LHPP: variants seen among roughly 807,000 people sequenced by gnomAD.
The protein encoded by LHPP is phospholysine phosphohistidine inorganic pyrophosphate phosphatase.
A neutral mutation model predicts 30.3 loss-of-function variants in LHPP; 24 were observed. The ratio of observed to expected loss-of-function variants is 0.79; its 90% CI spans 0.57 to 1.11. The LOEUF is 1.11. Ranked by LOEUF, LHPP falls within the 50% of genes most tolerant of loss-of-function variation. The pLI is 0.00. For missense variants in LHPP, 356 were observed against 367.2 expected, an observed-to-expected ratio of 0.97 and a Z score of 0.25; for synonymous variants, 150 against 157.1, an observed-to-expected ratio of 0.95 and a Z score of 0.34.
At position 124,613,627 on chromosome 10, in the gene LHPP, C is replaced by T. The variant is rs1949232406; in HGVS notation, c.*267C>T. The T allele has an allele frequency of 1.8e-6, 1 of 544,898 alleles. No individual in the cohort carries two copies. Among genetic ancestry groups the T allele is most frequent in the Admixed American group, 3.1e-5 (1 of 31,968 alleles). The allele number at this position is 544,898 out of a possible 1,614,324, so 33.8% of individuals were successfully genotyped here. On this transcript the variant is annotated 3_prime_UTR_variant, in exon 7 of 7. Coordinates refer to ENST00000368842, the MANE Select transcript of LHPP (RefSeq NM_022126.4). Reference sequence around the variant, plus strand: ...TCCCCTGCCTGGGCCCTGACTTCAGCTCCCTGTAGTGAAGTCCAGGAGGGT... The same window carrying T: ...TCCCCTGCCTGGGCCCTGACTTCAGTTCCCTGTAGTGAAGTCCAGGAGGGT...
chr10:124,518,168 C>T (rs916847532), intron 6 of LHPP, among the ~76,000 whole-genome samples: 2 of 152,222 alleles, frequency 1.3e-5, no homozygotes, highest in East Asian at 3.9e-4. Context: ...GCTCAGCGCA[C>T]CTGGGTCCAG....
chr10:124,497,067 G>A, intron 4 of LHPP, 43 bp downstream of exon 4: 2 of 1,528,320 alleles, frequency 1.3e-6, no homozygotes, highest in Non-Finnish European at 1.8e-6. Flanking sequence ...CAGACCTCAG[G>A]GCACCTGGGA....
At chr10:124,505,094 T>TA (rs1954026814) in intron 5 of LHPP, among the ~76,000 whole-genome samples, 1 of 152,162 alleles carries the variant, frequency 6.6e-6, no homozygotes, top group Non-Finnish European at 1.5e-5. Flanking sequence ...CCTACCCTCA[T>TA]ATGACATTTC....
intron 6 of LHPP, among the ~76,000 whole-genome samples, chr10:124,545,770 A>G (rs1022547490): frequency 2.0e-5 from 3 of 152,230 alleles, no homozygotes. Flanking sequence ...CCCAAAATCA[A>G]TACAAACAAA....
intron 1 of LHPP, among the ~76,000 whole-genome samples, chr10:124,466,540 T>A (rs762288260): frequency 6.6e-6 from 1 of 152,134 alleles, no homozygotes; most frequent in Non-Finnish European, 1.5e-5. Flanking sequence ...TACTGTAACC[T>A]CTGCCTCCTG....
rs55633265 is a variant in LHPP, at chr10:124,588,298, C to CTT, written c.717-24956_717-24955dup. On this transcript the variant is annotated intron_variant, in intron 6 of 6. Transcript: ENST00000368842. ...ACTTATGCTTTTACTTTTTTCTCTTCTTTTTTTTTTTAAGACTGAGTCTTG... is the reference window on the plus strand; with the variant it reads ...ACTTATGCTTTTACTTTTTTCTCTTCTTTTTTTTTTTTTAAGACTGAGTCTTG... 8.9e-3 allele frequency among the ~76,000 whole-genome samples: 1,301 copies of CTT among 146,970 alleles called. 29 individuals are homozygous for CTT. The highest frequency in any genetic ancestry group is 0.03 in the African/African-American group (1,155 of 39,106).
intron 5 of LHPP, among the ~76,000 whole-genome samples, chr10:124,507,985 A>G (rs1954197634): frequency 6.7e-6 from 1 of 149,996 alleles, no homozygotes; most frequent in Admixed American, 6.7e-5. Context: ...CCTGTGAAAA[A>G]TGGGGGTGAG....
chr10:124,585,523 G>A (rs1380966874), intron 6 of LHPP, among the ~76,000 whole-genome samples: 2 of 151,764 alleles, frequency 1.3e-5, no homozygotes, highest in Non-Finnish European at 2.9e-5. Context: ...GCTGAGGCAG[G>A]AGAATTGCTT....
intron 6 of LHPP, among the ~76,000 whole-genome samples, chr10:124,607,236 T>C (rs1423536675): frequency 6.6e-6 from 1 of 152,206 alleles, no homozygotes; most frequent in Non-Finnish European, 1.5e-5. Context: ...CACAGGGCAC[T>C]GGCCAGTGTG....
chr10:124,555,893 G>T (rs1014659026), intron 6 of LHPP, among the ~76,000 whole-genome samples: 8 of 152,102 alleles, frequency 5.3e-5, no homozygotes, highest in Non-Finnish European at 1.0e-4. Context: ...AAGTCCTCAG[G>T]CCATATTCCC....
At chr10:124,542,460 T>C (rs1442747464) in intron 6 of LHPP, among the ~76,000 whole-genome samples, 2 of 152,174 alleles carry the variant, frequency 1.3e-5, no homozygotes, top group Non-Finnish European at 2.9e-5. Context: ...GTTTCCAGCC[T>C]GTGTGCTCAG....
At chr10:124,578,830 C>T (rs1948705996) in intron 6 of LHPP, among the ~76,000 whole-genome samples, 1 of 152,248 alleles carries the variant, frequency 6.6e-6, no homozygotes, top group African/African-American at 2.4e-5. Context: ...CACATTTTGT[C>T]CTGACTGTGG....
At chr10:124,479,639 G>A (rs1168774587) in intron 1 of LHPP, among the ~76,000 whole-genome samples, 1 of 152,178 alleles carries the variant, frequency 6.6e-6, no homozygotes, top group Admixed American at 6.5e-5. Context: ...TGCTCACATG[G>A]CCTCTTTGTG....
intron 6 of LHPP, among the ~76,000 whole-genome samples, chr10:124,547,525 T>C (rs1955379063): frequency 6.6e-6 from 1 of 152,208 alleles, no homozygotes; most frequent in Admixed American, 6.5e-5. Context: ...CTGTCTCCCG[T>C]CTCTTGGGTG....
rs1465263193 is a variant in LHPP at position 124,510,946 on chromosome 10, A to G, written c.625-6234A>G. 2.0e-5 allele frequency among the ~76,000 whole-genome samples: 3 copies of G among 152,230 alleles called. No individual in the cohort carries two copies. Among genetic ancestry groups the G allele is most frequent in the African/African-American group, 7.2e-5 (3 of 41,466 alleles). On this transcript the variant is annotated intron_variant, in intron 5 of 6. Transcript: ENST00000368842. This position sits in a 1 kb window ranked among gnomAD's most constrained non-coding sequence, Gnocchi z 4.0. ...CCAGCCCTGGCTTTTCCCAACCCTC[A>G]GAGTGCCCCTTGTGCATGCAGCAGA...
chr10:124,485,147 T>C (rs1048436029), intron 2 of LHPP, among the ~76,000 whole-genome samples: 2 of 152,076 alleles, frequency 1.3e-5, no homozygotes, highest in African/African-American at 4.8e-5. Flanking sequence ...GTCGACTTCA[T>C]AGCCCTGGTG....
intron 2 of LHPP, among the ~76,000 whole-genome samples, chr10:124,485,855 C>A (rs907675245): frequency 6.6e-6 from 1 of 152,188 alleles, no homozygotes; most frequent in Non-Finnish European, 1.5e-5. Flanking sequence ...CCCACCTTGG[C>A]CTCCCAAAGT....
At chr10:124,556,652 T>A (rs1286998343) in intron 6 of LHPP, among the ~76,000 whole-genome samples, 1 of 152,188 alleles carries the variant, frequency 6.6e-6, no homozygotes, top group East Asian at 1.9e-4. Context: ...TGTGGATAAT[T>A]CTGCAACTCT....
In LHPP at chr10:124,526,274, A is replaced by G. The variant is rs575859700; in HGVS notation, c.716+9003A>G. ...AAGGGGGATAACGCAGGTATGCCTC[A>G]TGGCGGGGCCAGTGCTCATGCTTAC... is the stretch of plus-strand genomic sequence containing the variant. On this transcript the variant is annotated intron_variant, in intron 6 of 6. Coordinates refer to ENST00000368842, the MANE Select transcript of LHPP (RefSeq NM_022126.4). The G allele has an allele frequency of 1.7e-5, 17 of 979,546 alleles. No individual in the cohort carries two copies. In the South Asian group the frequency reaches 3.8e-4, roughly 22 times the overall value. 60.7% of individuals were successfully genotyped at this position (979,546 alleles called of 1,614,324 possible). A position where few individuals can be genotyped will look rare whatever the true frequency, so the allele number is the denominator to read the frequency against.
Sources: allele counts gnomAD v4.1 joint callset (sites outside exome capture counted in the v4.1 genomes callset), GRCh38; gene constraint gnomAD v4.1.1; non-coding constraint Gnocchi (gnomAD v3.1); transcripts MANE v1.5; gene names NCBI Gene and HGNC (gene_info 2026-07-23, HGNC 2026-07-21).